The following NLRP1 variants were observed in gnomAD, a reference collection of about 807,000 sequenced individuals.
NLRP1 encodes the protein NLR family pyrin domain containing 1.
Under a neutral mutation model 136.7 loss-of-function variants are expected in NLRP1, and 94 were observed. That is an observed-to-expected ratio of 0.69 (90% CI 0.58 to 0.82). The LOEUF (loss-of-function observed/expected upper bound fraction) is 0.82, where lower values mean the gene tolerates loss of function less well. Ranked by LOEUF, NLRP1 falls within the 40% of genes least tolerant of loss-of-function variation. NLRP1 has a pLI of 0.00. For missense variants in NLRP1, 1,575 were observed against 1,802.7 expected, an observed-to-expected ratio of 0.87 and a Z score of 2.29; for synonymous variants, 690 against 725.1, an observed-to-expected ratio of 0.95 and a Z score of 0.78.
chr17:5,584,167 G>A lies in NLRP1; in HGVS notation c.-210C>T, dbSNP rs1906029799. 8.4e-6 allele frequency: 5 copies of A among 593,972 alleles called. No individual in the cohort carries two copies. In the Admixed American group the frequency reaches 1.2e-4, roughly 14 times the overall value. 36.8% of individuals were successfully genotyped at this position (593,972 alleles called of 1,614,324 possible). On this transcript the variant is annotated 5_prime_UTR_variant, in exon 1 of 17. Transcript: ENST00000572272. ...AGCCAGGGGAGGGAGGAGCCCAGAG[G>A]GGCCTGCAAGACACTGGAAGAAGTC...
At chr17:5,511,715 C>A (rs1050483779), downstream of NLRP1, among the ~76,000 whole-genome samples, 3 of 146,282 alleles carry the variant, frequency 2.1e-5, no homozygotes, top group Middle Eastern at 3.5e-3. Context: ...CCCCTCCTCG[C>A]GTAGGTCCTT....
At chr17:5,539,355 C>G in intron 7 of NLRP1, 60 bp downstream of exon 7, 1 of 1,499,620 alleles carries the variant, frequency 6.7e-7, no homozygotes. Flanking sequence ...TTTTCCATCC[C>G]CTGTCCGATA....
Position 5,583,608 on chromosome 17 carries a change from T to G in NLRP1, c.271+79A>C. ...GGAAGGCCTGGCAGGGAGGGCTCAG[T>G]GGTGGGGTCCCAAGAGGGCAGGGCA... On this transcript the variant is annotated intron_variant, in intron 1 of 16. Transcript: ENST00000572272. This position sits in a 1 kb window ranked among gnomAD's most constrained non-coding sequence, Gnocchi z 4.5. 2 of 1,402,918 alleles carry G rather than the reference T, an allele frequency of 1.4e-6. No homozygotes were observed. Among genetic ancestry groups the G allele is most frequent in the East Asian group, 5.1e-5 (2 of 39,342 alleles). The allele number at this position is 1,402,918 out of a possible 1,614,324, so 86.9% of individuals were successfully genotyped here.
chr17:5,531,460 C>A (rs1262304583), intron 11 of NLRP1, among the ~76,000 whole-genome samples: 5 of 152,142 alleles, frequency 3.3e-5, no homozygotes, highest in Non-Finnish European at 2.9e-5. Flanking sequence ...CTCAAGTGAT[C>A]CTCCTGCCTC....
At chr17:5,556,960 C>T (rs996010822) in intron 4 of NLRP1, among the ~76,000 whole-genome samples, 2 of 151,874 alleles carry the variant, frequency 1.3e-5, no homozygotes, top group Non-Finnish European at 1.5e-5. Flanking sequence ...TGATGGAATT[C>T]TTATTGATAC....
At chr17:5,506,627 C>T (rs937089032) in intron 15 of NLRP1, among the ~76,000 whole-genome samples, 1 of 152,024 alleles carries the variant, frequency 6.6e-6, no homozygotes, top group African/African-American at 2.4e-5. Context: ...TGAGGTGGCT[C>T]CCGCCTGTAA....
chr17:5,568,123 T>C (rs1027748965), intron 3 of NLRP1, among the ~76,000 whole-genome samples: 7 of 152,116 alleles, frequency 4.6e-5, no homozygotes, highest in African/African-American at 1.7e-4. Flanking sequence ...TTTTCTCTTA[T>C]CCCTTTGAAT....
chr17:5,560,398 AGTTTTCTCATCT>A (rs1450802365), intron 3 of NLRP1, among the ~76,000 whole-genome samples: 1 of 152,174 alleles, frequency 6.6e-6, no homozygotes, highest in Non-Finnish European at 1.5e-5. Context: ...TATGAGCCTC[AGTTTTCTCATCT>A]GTAAGCTGGG....
chr17:5,523,956 C>T (rs565120767), intron 12 of NLRP1, among the ~76,000 whole-genome samples: 57 of 152,308 alleles, frequency 3.7e-4, no homozygotes, highest in African/African-American at 1.2e-3. Context: ...CGGAGTCTAG[C>T]TCTGTCACCG....
intron 6 of NLRP1, among the ~76,000 whole-genome samples, chr17:5,540,034 A>T (rs892785800): frequency 2.0e-5 from 3 of 152,146 alleles, no homozygotes; most frequent in African/African-American, 7.2e-5. Flanking sequence ...TTAGCAACAT[A>T]TCGTTTTCCC....
At chr17:5,531,943 G>A (rs774378409) in intron 11 of NLRP1, among the ~76,000 whole-genome samples, 1 of 152,138 alleles carries the variant, frequency 6.6e-6, no homozygotes, top group Non-Finnish European at 1.5e-5. Context: ...TTTGGATCCT[G>A]ATAAGAACAC....
intron 8 of NLRP1, among the ~76,000 whole-genome samples, chr17:5,535,692 C>A (rs1460629423): frequency 6.6e-6 from 1 of 152,176 alleles, no homozygotes; most frequent in Non-Finnish European, 1.5e-5. Context: ...AGTGGGTCTG[C>A]AGGGAATGTT....
chr17:5,578,527 C>T (rs1270979262), intron 3 of NLRP1, among the ~76,000 whole-genome samples: 3 of 152,140 alleles, frequency 2.0e-5, no homozygotes, highest in African/African-American at 4.8e-5. Context: ...TCATCACTGG[C>T]CATTAGAGAA....
intron 14 of NLRP1, among the ~76,000 whole-genome samples, chr17:5,518,982 G>A (rs1011174048): frequency 2.0e-5 from 3 of 151,552 alleles, no homozygotes; most frequent in African/African-American, 7.3e-5. Flanking sequence ...GGGTTTACAG[G>A]TGCCCATCAC....
At chr17:5,508,148 A>G (rs78990965) in intron 15 of NLRP1, among the ~76,000 whole-genome samples, 1 of 151,256 alleles carries the variant, frequency 6.6e-6, no homozygotes, top group Admixed American at 6.6e-5. Context: ...AAAAAAAAAA[A>G]TTAGCTGGGT....
intron 12 of NLRP1, chr17:5,529,975 G>C: frequency 2.2e-6 from 1 of 456,444 alleles, no homozygotes. Context: ...ATCATACTTT[G>C]TGATTACTAT....
At chr17:5,534,999 A>G (rs1910849152) in intron 8 of NLRP1, among the ~76,000 whole-genome samples, 1 of 152,200 alleles carries the variant, frequency 6.6e-6, no homozygotes, top group Admixed American at 6.5e-5. Flanking sequence ...AGGCGGGCAG[A>G]TCACAAGGTC....
chr17:5,555,298 C>A (rs1913909652), intron 4 of NLRP1, among the ~76,000 whole-genome samples: 1 of 152,156 alleles, frequency 6.6e-6, no homozygotes, highest in South Asian at 2.1e-4. Context: ...TGGTTCTCCT[C>A]TTCCTTCACA....
chr17:5,517,951 G>T, intron 14 of NLRP1, 64 bp from the exon 15 acceptor site: 3 of 1,559,020 alleles, frequency 1.9e-6, no homozygotes, highest in Non-Finnish European at 2.6e-6. Context: ...TTCCCCACCT[G>T]ACACCTTCTT....
Sources: gnomAD v4.1 joint callset for allele counts (sites outside exome capture counted in the v4.1 genomes callset) on GRCh38, gnomAD v4.1.1 for gene constraint, Gnocchi (gnomAD v3.1) non-coding constraint, MANE v1.5 for transcripts, NCBI Gene and HGNC (gene_info 2026-07-23, HGNC 2026-07-21) for gene names.